The following ADAMTS18 variants were observed in gnomAD, a reference collection of about 807,000 sequenced individuals.
The protein encoded by ADAMTS18 is A disintegrin and metalloproteinase with thrombospondin motifs 18.
In ADAMTS18, 157 loss-of-function variants were observed where a neutral mutation model predicts 165.9. The ratio of observed to expected loss-of-function variants is 0.95; its 90% CI spans 0.83 to 1.08. ADAMTS18 has a LOEUF of 1.08. Among genes scored for constraint, ADAMTS18 ranks in the 50% least tolerant of loss-of-function variants. The pLI, the probability that ADAMTS18 is intolerant of heterozygous loss-of-function variation, is 0.00. For missense variants in ADAMTS18, 2,040 were observed against 1,534.0 expected (o/e 1.33, Z -5.51); for synonymous variants, 782 against 578.2 (o/e 1.35, Z -5.06).
intron 11 of ADAMTS18, among the ~76,000 whole-genome samples, chr16:77,340,296 T>A (rs541837008): frequency 6.6e-6 from 1 of 152,286 alleles, no homozygotes; most frequent in East Asian, 1.9e-4. Context: ...TACCTCAGCC[T>A]CCCAAGTAGC....
intron 3 of ADAMTS18, among the ~76,000 whole-genome samples, chr16:77,426,678 C>T (rs957200783): frequency 2.0e-5 from 3 of 152,200 alleles, no homozygotes; most frequent in African/African-American, 7.2e-5. Context: ...GCTTCATCTA[C>T]CATGCTCTCA....
chr16:77,373,781 T>C (rs1442114512), intron 3 of ADAMTS18, among the ~76,000 whole-genome samples: 9 of 152,212 alleles, frequency 5.9e-5, no homozygotes, highest in South Asian at 2.1e-4. Flanking sequence ...CACAGTTTAC[T>C]GGCTTTATGT....
At chr16:77,427,401 G>C (rs1271749488) in intron 3 of ADAMTS18, among the ~76,000 whole-genome samples, 5 of 152,224 alleles carry the variant, frequency 3.3e-5, no homozygotes, top group Non-Finnish European at 7.3e-5. Context: ...TCAACAGCAA[G>C]ATGAAGAGTC....
chr16:77,299,581 C>G (rs1221935847), intron 17 of ADAMTS18, among the ~76,000 whole-genome samples: 1 of 152,182 alleles, frequency 6.6e-6, no homozygotes, highest in Non-Finnish European at 1.5e-5. Flanking sequence ...GACCAACATT[C>G]ATGCTGTGGT....
intron 4 of ADAMTS18, among the ~76,000 whole-genome samples, chr16:77,365,144 T>C (rs1036090710): frequency 4.6e-5 from 7 of 150,812 alleles, no homozygotes; most frequent in Non-Finnish European, 7.4e-5. Flanking sequence ...ACCTTTAAGA[T>C]AGAGTCTCTG....
At chr16:77,399,346 A>T (rs1416627078) in intron 3 of ADAMTS18, among the ~76,000 whole-genome samples, 1 of 152,176 alleles carries the variant, frequency 6.6e-6, no homozygotes, top group Non-Finnish European at 1.5e-5. Flanking sequence ...AGTCCTTCTG[A>T]CATCACTTAG....
At chr16:77,342,575 G>A (rs1261065914) in intron 10 of ADAMTS18, among the ~76,000 whole-genome samples, 1 of 152,104 alleles carries the variant, frequency 6.6e-6, no homozygotes, top group Non-Finnish European at 1.5e-5. Context: ...ACAAGCATGA[G>A]CCACCAGGCC....
intron 3 of ADAMTS18, among the ~76,000 whole-genome samples, chr16:77,379,361 C>T (rs1399057988): frequency 3.3e-5 from 5 of 152,202 alleles, no homozygotes; most frequent in African/African-American, 9.6e-5. Context: ...TTGCTACTGG[C>T]CTTAAAGAGT....
intron 3 of ADAMTS18, among the ~76,000 whole-genome samples, chr16:77,376,007 G>A (rs1055410243): frequency 5.4e-5 from 8 of 147,666 alleles, no homozygotes; most frequent in African/African-American, 1.8e-4. Flanking sequence ...GGGTTCAAGC[G>A]ATTCTCCTGC....
chr16:77,376,335 T>C (rs535302382), intron 3 of ADAMTS18, among the ~76,000 whole-genome samples: 49 of 152,262 alleles, frequency 3.2e-4, no homozygotes, highest in African/African-American at 1.1e-3. Context: ...ACCCCCAAGA[T>C]CCAATCACCT....
At chr16:77,311,854 T>G (rs16945501) in intron 16 of ADAMTS18, among the ~76,000 whole-genome samples, 7,450 of 152,206 alleles carry the variant, frequency 0.049, 494 homozygotes, top group African/African-American at 0.15. Flanking sequence ...AAGTTTTTCT[T>G]GAATCTATTG....
At chr16:77,330,551 T>C in intron 12 of ADAMTS18, among the ~76,000 whole-genome samples, 1 of 152,158 alleles carries the variant, frequency 6.6e-6, no homozygotes, top group Non-Finnish European at 1.5e-5. Flanking sequence ...GTGTCAGTTC[T>C]AACCCGATTG....
intron 3 of ADAMTS18, among the ~76,000 whole-genome samples, chr16:77,400,916 A>T (rs2057323347): frequency 6.7e-6 from 1 of 148,644 alleles, no homozygotes; most frequent in South Asian, 2.1e-4. Flanking sequence ...TCACCTCCCA[A>T]ATAAACTACC....
At chr16:77,403,602 A>G (rs756685447) in intron 3 of ADAMTS18, among the ~76,000 whole-genome samples, 8 of 152,214 alleles carry the variant, frequency 5.3e-5, no homozygotes, top group Non-Finnish European at 1.0e-4. Context: ...CCTGGAATAG[A>G]GCCTGTTGAT....
chr16:77,304,238 C>G (rs926467382), intron 16 of ADAMTS18, among the ~76,000 whole-genome samples: 13 of 152,126 alleles, frequency 8.5e-5, no homozygotes, highest in Non-Finnish European at 1.3e-4. Context: ...GCAGTAGGAT[C>G]TTTTGAGCTC....
At chr16:77,418,621 G>C (rs1272982418) in intron 3 of ADAMTS18, among the ~76,000 whole-genome samples, 1 of 152,068 alleles carries the variant, frequency 6.6e-6, no homozygotes, top group Non-Finnish European at 1.5e-5. Context: ...GAGAAACCCT[G>C]AGCTAAACAT....
At chr16:77,311,954 T>C (rs965382) in intron 16 of ADAMTS18, among the ~76,000 whole-genome samples, 113,071 of 152,098 alleles carry the variant, frequency 0.74, 42,210 homozygotes, top group Non-Finnish European at 0.77. Flanking sequence ...AATTTTGTAT[T>C]ACTGGAGATA....
At chr16:77,301,794 T>C (rs982137056) in intron 16 of ADAMTS18, among the ~76,000 whole-genome samples, 1 of 152,216 alleles carries the variant, frequency 6.6e-6, no homozygotes, top group African/African-American at 2.4e-5. Flanking sequence ...CATCAGTTTG[T>C]AGAGCAACAA....
At chr16:77,422,419 G>C (rs1597255926) in intron 3 of ADAMTS18, among the ~76,000 whole-genome samples, 1 of 151,718 alleles carries the variant, frequency 6.6e-6, no homozygotes, top group Non-Finnish European at 1.5e-5. Context: ...CCAAGAGAAA[G>C]ACAACAGTGG....
Sources: allele counts gnomAD v4.1 joint callset (sites outside exome capture counted in the v4.1 genomes callset), GRCh38; gene constraint gnomAD v4.1.1; transcripts MANE v1.5; gene names NCBI Gene and HGNC (gene_info 2026-07-23, HGNC 2026-07-21).